The following CTPS1 variants were observed in gnomAD, a reference collection of about 807,000 sequenced individuals.
CTPS1 encodes CTP synthase 1, also known as CTP synthetase 1.
A neutral mutation model predicts 80.5 loss-of-function variants in CTPS1; 25 were observed. That is an observed-to-expected ratio of 0.31 (90% confidence interval 0.23 to 0.43). The LOEUF (loss-of-function observed/expected upper bound fraction) is 0.43, where lower values mean the gene tolerates loss of function less well. Among genes scored for constraint, CTPS1 ranks in the 20% least tolerant of loss-of-function variants. The pLI is 1.00. For missense variants in CTPS1, 442 were observed against 725.7 expected (o/e 0.61, Z 4.49); for synonymous variants, 267 against 252.5 (o/e 1.06, Z -0.54).
chr1:40,985,073 A>G (rs1408382131), intron 3 of CTPS1, 82 bp downstream of exon 3: 1 of 989,240 alleles, frequency 1.0e-6, no homozygotes, highest in Non-Finnish European at 1.4e-6. Flanking sequence ...CAGATGTGTA[A>G]TTCCCTTTTG....
intron 5 of CTPS1, among the ~76,000 whole-genome samples, chr1:40,990,533 T>G (rs1192919939): frequency 6.6e-6 from 1 of 152,044 alleles, no homozygotes; most frequent in Non-Finnish European, 1.5e-5. Context: ...ACCTGTTATC[T>G]CAGCAGTTTG....
chr1:41,005,068 G>A (rs893439845), intron 12 of CTPS1, among the ~76,000 whole-genome samples: 2 of 152,054 alleles, frequency 1.3e-5, no homozygotes, highest in African/African-American at 4.8e-5. Context: ...GGTGTAGGTT[G>A]CAGTGAGCCA....
At chr1:41,008,498 T>A (rs912925824) in intron 14 of CTPS1, among the ~76,000 whole-genome samples, 161 bp from the exon 15 acceptor site, 4 of 152,192 alleles carry the variant, frequency 2.6e-5, no homozygotes, top group Non-Finnish European at 1.5e-5. Flanking sequence ...TAGTCTAAAC[T>A]GTGTTGTTAA....
chr1:40,997,571 CAGTCTGT>C, intron 9 of CTPS1, 45 bp downstream of exon 9: 1 of 1,600,804 alleles, frequency 6.2e-7, no homozygotes, highest in South Asian at 1.1e-5. Flanking sequence ...AGCAGGGAAG[CAGTCTGT>C]AGTCTCGTAG....
Position 40,982,581 on chromosome 1 carries a change from G to A in CTPS1, c.-13-697G>A, listed in dbSNP as rs148404831. 5.3e-3 allele frequency among the ~76,000 whole-genome samples: 811 copies of A among 152,156 alleles called. 9 individuals carry two copies. The highest frequency in any genetic ancestry group is 0.019 in the African/African-American group (776 of 41,512). On this transcript the variant is annotated intron_variant, in intron 1 of 18. Coordinates refer to ENST00000650070, the MANE Select transcript of CTPS1 (RefSeq NM_001905.4). Reference sequence around the variant, plus strand: ...ATTTTTGTATTTTTAGTAGAGATGCGGTTTCCCCATATTGGCCAGGCTGGT... The same window carrying A: ...ATTTTTGTATTTTTAGTAGAGATGCAGTTTCCCCATATTGGCCAGGCTGGT...
At chr1:40,986,437 G>C (rs968379561) in intron 3 of CTPS1, among the ~76,000 whole-genome samples, 1 of 152,238 alleles carries the variant, frequency 6.6e-6, no homozygotes, top group Admixed American at 6.5e-5. Context: ...CCAGTCGCTG[G>C]GCCGCAGCAA....
intron 12 of CTPS1, among the ~76,000 whole-genome samples, chr1:41,005,608 C>G (rs958772490): frequency 8.6e-5 from 13 of 152,004 alleles, no homozygotes; most frequent in African/African-American, 3.1e-4. Context: ...TATTTTATGT[C>G]TTAAAAATGC....
At chr1:40,992,330 G>A (rs1180829233) in intron 7 of CTPS1, among the ~76,000 whole-genome samples, 1 of 152,098 alleles carries the variant, frequency 6.6e-6, no homozygotes, top group Non-Finnish European at 1.5e-5. Flanking sequence ...TGCTGCTGAT[G>A]GGCCCATCTT....
chr1:40,986,719 AT>A (rs1387226752), intron 3 of CTPS1, among the ~76,000 whole-genome samples: 1 of 152,228 alleles, frequency 6.6e-6, no homozygotes, highest in Non-Finnish European at 1.5e-5. Flanking sequence ...AATTGCTGGC[AT>A]TCTTTGAGCA....
In CTPS1 at chr1:41,007,458, A is replaced by G. The variant is rs1361861138; in HGVS notation, c.1306A>G (p.Met436Val). 1.2e-6 allele frequency: 2 copies of G among 1,613,978 alleles called. No individual in the cohort carries two copies. Among genetic ancestry groups the G allele is most frequent in the Non-Finnish European group, 1.7e-6 (2 of 1,180,018 alleles). Residue 436 changes from methionine to valine, a missense_variant, in exon 14 of 19, where the codon ATG becomes GTG. This residue lies in a region of CTPS1 where 321 missense variants were observed against 467.2 expected (regional missense o/e 0.69). Coordinates refer to ENST00000650070, the MANE Select transcript of CTPS1 (RefSeq NM_001905.4). The surrounding 1 kb of genome is among the most constrained non-coding windows in gnomAD (Gnocchi z 4.4). ...PTTSHPVVVDMPEHNPGQMGG... is the reference protein window; with the variant it reads ...PTTSHPVVVDVPEHNPGQMGG... Reference sequence around the variant, plus strand: ...TTCTGAACATCTCCAGGTCGTAGACATGCCAGAACACAACCCAGGGCAGAT... The same window carrying G: ...TTCTGAACATCTCCAGGTCGTAGACGTGCCAGAACACAACCCAGGGCAGAT...
At chr1:41,002,511 C>G (rs201516072) in intron 11 of CTPS1, among the ~76,000 whole-genome samples, 1 of 152,114 alleles carries the variant, frequency 6.6e-6, no homozygotes, top group South Asian at 2.1e-4. Flanking sequence ...TTTAATGAAC[C>G]CAGCTGTTTG....
intron 9 of CTPS1, 140 bp from the exon 10 acceptor site, chr1:41,000,889 A>G (rs1642887131): frequency 1.7e-5 from 8 of 481,894 alleles, no homozygotes; most frequent in Non-Finnish European, 2.9e-5. Context: ...TGATCACTTT[A>G]AAGCCAGTAT....
intron 1 of CTPS1, chr1:40,981,875 TG>T: frequency 1.8e-6 from 1 of 563,774 alleles, no homozygotes; most frequent in Non-Finnish European, 2.5e-6. Flanking sequence ...GGGGAGGGGG[TG>T]GGGCGGGGGA....
chr1:40,995,693 C>T (rs906733428), intron 7 of CTPS1, among the ~76,000 whole-genome samples: 4 of 152,132 alleles, frequency 2.6e-5, no homozygotes, highest in African/African-American at 9.7e-5. Flanking sequence ...GCCACCTTGC[C>T]CAGCCATGAA....
chr1:40,997,183 A>G (rs1438733366), intron 8 of CTPS1: 4 of 521,932 alleles, frequency 7.7e-6, no homozygotes, highest in Non-Finnish European at 1.3e-5. Flanking sequence ...CCCAGGCTGT[A>G]GTGCAGTGGT....
chr1:41,003,198 C>CA, intron 12 of CTPS1, 22 bp downstream of exon 12: 1 of 1,613,250 alleles, frequency 6.2e-7, no homozygotes, highest in Non-Finnish European at 8.5e-7. Flanking sequence ...TTAAGACACT[C>CA]ATTCAATTCC....
intron 6 of CTPS1, 103 bp from the exon 7 acceptor site, chr1:40,991,662 G>A (rs951022539): frequency 9.4e-6 from 7 of 744,520 alleles, no homozygotes; most frequent in African/African-American, 3.5e-5. Flanking sequence ...TAACGTTTTC[G>A]TTCATCTTAA....
At chr1:41,003,641 C>T (rs750324457) in intron 12 of CTPS1, among the ~76,000 whole-genome samples, 6 of 152,196 alleles carry the variant, frequency 3.9e-5, no homozygotes, top group Non-Finnish European at 7.3e-5. Context: ...AATAAAGGTA[C>T]GTACTTCACA....
chr1:40,995,811 TC>T, intron 7 of CTPS1, 105 bp from the exon 8 acceptor site: 1 of 1,182,858 alleles, frequency 8.5e-7, no homozygotes, highest in Non-Finnish European at 1.2e-6. Flanking sequence ...TGTCCTTTTT[TC>T]TGTTTTCAAA....
Sources: gnomAD v4.1 joint callset for allele counts (sites outside exome capture counted in the v4.1 genomes callset) on GRCh38, gnomAD v4.1.1 for gene constraint, gnomAD v4.1.1 regional missense constraint, Gnocchi (gnomAD v3.1) non-coding constraint, MANE v1.5 for transcripts, NCBI Gene and HGNC (gene_info 2026-07-23, HGNC 2026-07-21) for gene names.